DYRK3: variants seen among roughly 807,000 people sequenced by gnomAD.
The protein encoded by DYRK3 is dual specificity tyrosine phosphorylation regulated kinase 3.
A neutral mutation model predicts 40.8 loss-of-function variants in DYRK3; 30 were observed. The ratio of observed to expected loss-of-function variants is 0.74; its 90% CI spans 0.55 to 1.00. The LOEUF (loss-of-function observed/expected upper bound fraction) is 1.00. DYRK3 is among the 50% of genes least tolerant of loss of function. The pLI, the probability that DYRK3 is intolerant of heterozygous loss-of-function variation, is 0.00. For synonymous variants in DYRK3, 272 were observed against 260.7 expected (o/e 1.04, Z -0.42); for missense variants, 699 against 731.5 (o/e 0.96, Z 0.51).
In DYRK3 at chr1:206,648,041, G is replaced by A. The variant is rs1436877311; in HGVS notation, c.843G>A (p.Arg281=). 1.9e-6 allele frequency: 3 copies of A among 1,614,000 alleles called. No individual in the cohort carries two copies. Among genetic ancestry groups the A allele is most frequent in the African/African-American group, 2.7e-5 (2 of 74,880 alleles). ...VIHMLESFTF[R]NHVCMAFELL... is the part of the protein sequence containing the mutation. ...ACATGCTGGAAAGTTTCACATTCCG[G>A]AACCATGTTTGCATGGCCTTTGAAT... is the stretch of plus-strand genomic sequence containing the variant. The change falls in exon 3 of 3, where the codon CGG becomes CGA. Residue 281 remains arginine, a synonymous_variant. Transcript: ENST00000367109.
chr1:206,640,568 T>A (rs1472076647), intron 2 of DYRK3, among the ~76,000 whole-genome samples: 7 of 92,506 alleles, frequency 7.6e-5, no homozygotes, highest in African/African-American at 1.2e-4. Flanking sequence ...TTTTTTTTTT[T>A]AAGACAGAGT....
intron 2 of DYRK3, among the ~76,000 whole-genome samples, chr1:206,643,730 T>C (rs184406045): frequency 3.9e-5 from 6 of 152,122 alleles, no homozygotes; most frequent in East Asian, 1.9e-4. Flanking sequence ...GGGGCCCTCA[T>C]TGAGCAGAAG....
At chr1:206,642,883 T>C (rs1290397977) in intron 2 of DYRK3, among the ~76,000 whole-genome samples, 15 of 151,862 alleles carry the variant, frequency 9.9e-5, no homozygotes, top group Non-Finnish European at 2.9e-5. Context: ...ATGTAACATA[T>C]GTAACCTGCG....
chr1:206,653,179 G>T lies in DYRK3; in HGVS notation c.*4214G>T, dbSNP rs959419178. On this transcript the variant is annotated 3_prime_UTR_variant, in exon 3 of 3. Coordinates refer to ENST00000367109, the MANE Select transcript of DYRK3 (RefSeq NM_003582.4). ...ACTACAGTCACGTGCTACCATGCCT[G>T]GCTAATTTTTTGTATATCTGTAGAG... Among the ~76,000 whole-genome samples the T allele has an allele frequency of 6.6e-6, 1 of 152,028 alleles. No individual in the cohort carries two copies. The highest frequency in any genetic ancestry group is 2.4e-5 in the African/African-American group (1 of 41,366).
intron 2 of DYRK3, among the ~76,000 whole-genome samples, chr1:206,638,894 T>TC (rs1671197975): frequency 6.7e-6 from 1 of 149,018 alleles, no homozygotes; most frequent in East Asian, 2.0e-4. Flanking sequence ...TTTTTTTTTT[T>TC]CCTGAGACGC....
In DYRK3 at chr1:206,648,484, C is replaced by A. The variant is rs782502081; in HGVS notation, c.1286C>A (p.Pro429Gln). ...ACMMELLGMP[P>Q]PKLLEQSKRA... is the part of the protein sequence containing the mutation. ...ATGATGGAGCTTCTAGGGATGCCAC[C>A]ACCAAAACTTCTGGAGCAATCCAAA... The change falls in exon 3 of 3, where the codon CCA becomes CAA. Residue 429 changes from proline (P) to glutamine (Q), a missense_variant. Pro to Gln is a moderately conservative substitution (Grantham distance 76, BLOSUM62 -1). Transcript: ENST00000367109. The A allele has an allele frequency of 4.3e-6, 7 of 1,614,122 alleles. No homozygotes were observed. Among genetic ancestry groups the A allele is most frequent in the East Asian group, 4.5e-5 (2 of 44,876 alleles).
intron 2 of DYRK3, among the ~76,000 whole-genome samples, chr1:206,640,485 G>C (rs1671256976): frequency 6.6e-6 from 1 of 151,510 alleles, no homozygotes; most frequent in South Asian, 2.1e-4. Context: ...CTGGGGAAAA[G>C]GTAGGGTTTT....
At chr1:206,646,631 A>T (rs1484719357) in intron 2 of DYRK3, among the ~76,000 whole-genome samples, 1 of 152,190 alleles carries the variant, frequency 6.6e-6, no homozygotes, top group South Asian at 2.1e-4. Flanking sequence ...AGTAATTTAT[A>T]TGGGGACCTG....
chr1:206,635,887 G>C, intron 1 of DYRK3, 107 bp downstream of exon 1: 1 of 1,263,236 alleles, frequency 7.9e-7, no homozygotes, highest in African/African-American at 1.5e-5. Flanking sequence ...TCAGTAGGAG[G>C]GACGAGGGCA....
rs536313360 is a variant in DYRK3, at chr1:206,652,090, C to T, written c.*3125C>T. Among the ~76,000 whole-genome samples the T allele has an allele frequency of 5.1e-4, 77 of 152,190 alleles. No individual in the cohort carries two copies. The highest frequency in any genetic ancestry group is 9.8e-4 in the Admixed American group (15 of 15,292). ...GCTGCTAAAGCCATGTGTGGGGTGGCGAGCACATCTTTAGGTGGCAGCAAG... is the reference window on the plus strand; with the variant it reads ...GCTGCTAAAGCCATGTGTGGGGTGGTGAGCACATCTTTAGGTGGCAGCAAG... On this transcript the variant is annotated 3_prime_UTR_variant, in exon 3 of 3. Transcript: ENST00000367109.
intron 2 of DYRK3, among the ~76,000 whole-genome samples, chr1:206,645,038 T>TC (rs1264421658): frequency 6.6e-6 from 1 of 152,214 alleles, no homozygotes; most frequent in Non-Finnish European, 1.5e-5. Context: ...CTGTAAGTGT[T>TC]CTATAAATAT....
In DYRK3 at chr1:206,648,189, A is replaced by G; in HGVS notation, c.991A>G (p.Ile331Val). The G allele has an allele frequency of 6.2e-7, 1 of 1,614,136 alleles. No homozygotes were observed. The highest frequency in any genetic ancestry group is 8.5e-7 in the Non-Finnish European group (1 of 1,180,030). ...TTTGGATGCCCTCCACAAAAATAAGATTATTCACTGCGATCTGAAGCCAGA... is the reference window on the plus strand; with the variant it reads ...TTTGGATGCCCTCCACAAAAATAAGGTTATTCACTGCGATCTGAAGCCAGA... ...QSLDALHKNK[I>V]IHCDLKPENI... The change falls in exon 3 of 3, where the codon ATT (isoleucine) becomes GTT (valine). Residue 331 changes from isoleucine (I) to valine (V), a missense_variant. Ile to Val is a conservative substitution (Grantham distance 29). Coordinates refer to ENST00000367109, the MANE Select transcript of DYRK3 (RefSeq NM_003582.4).
Position 206,647,203 on chromosome 1 carries a change from G to T in DYRK3, c.190-185G>T, listed in dbSNP as rs190392795. Among the ~76,000 whole-genome samples the T allele has an allele frequency of 1.9e-3, 289 of 152,216 alleles. 1 individual carries two copies. Among genetic ancestry groups the T allele is most frequent in the African/African-American group, 5.4e-3 (225 of 41,536 alleles). On this transcript the variant is annotated intron_variant, in intron 2 of 2. Coordinates refer to ENST00000367109, the MANE Select transcript of DYRK3 (RefSeq NM_003582.4). ...GGTTAGGGATGGCCGCAATATTCAG[G>T]GAGTCTGAAAATTAATATAACACAA...
Position 206,635,591 on chromosome 1 carries a change from C to G in DYRK3, c.-113C>G. On this transcript the variant is annotated 5_prime_UTR_variant, in exon 1 of 3. Transcript: ENST00000367109. ...AGTGCGCTGAGCTGCAGTGTCTGGT[C>G]GAGAGTACCCGTGGGAGCGTCGCGC... is the stretch of plus-strand genomic sequence containing the variant. 5 of 1,201,496 alleles carry G rather than the reference C, an allele frequency of 4.2e-6. No homozygotes were observed. The highest frequency in any genetic ancestry group is 5.2e-6 in the Non-Finnish European group (5 of 959,074). The allele number at this position is 1,201,496 out of a possible 1,614,324, so 74.4% of individuals were successfully genotyped here.
intron 2 of DYRK3, among the ~76,000 whole-genome samples, chr1:206,641,891 C>A: frequency 6.6e-6 from 1 of 150,672 alleles, no homozygotes; most frequent in Non-Finnish European, 1.5e-5. Context: ...GTCTAAAACA[C>A]CAAATGCAAC....
At position 206,648,757 on chromosome 1, in the gene DYRK3, C is replaced by G. The variant is rs1323508193; in HGVS notation, c.1559C>G (p.Pro520Arg). The part of the protein sequence containing the change: ...RLTPAQALRH[P>R]WISKSVPRPL... ...ACCCCAGCTCAAGCATTAAGACACCCTTGGATTAGCAAGTCTGTCCCCAGA... is the reference window on the plus strand; with the variant it reads ...ACCCCAGCTCAAGCATTAAGACACCGTTGGATTAGCAAGTCTGTCCCCAGA... The change falls in exon 3 of 3, where the codon CCT becomes CGT. Residue 520 changes from proline to arginine, a missense_variant. Pro to Arg is a moderately radical substitution (Grantham distance 103). Coordinates refer to ENST00000367109, the MANE Select transcript of DYRK3 (RefSeq NM_003582.4). 3.1e-6 allele frequency: 5 copies of G among 1,614,044 alleles called. No homozygotes were observed. The highest frequency in any genetic ancestry group is 3.4e-6 in the Non-Finnish European group (4 of 1,179,950).
rs1219215539 is a variant in DYRK3, at chr1:206,653,502, A to G, written c.*4537A>G. Among the ~76,000 whole-genome samples the G allele has an allele frequency of 6.6e-6, 1 of 152,148 alleles. No individual in the cohort carries two copies. Among genetic ancestry groups the G allele is most frequent in the Non-Finnish European group, 1.5e-5 (1 of 68,024 alleles). ...GTGTGTCTTCATATTGTTCTGAATT[A>G]ACAGATTTTGATGCCCGCTGATCAT... is the stretch of plus-strand genomic sequence containing the variant. On this transcript the variant is annotated 3_prime_UTR_variant, in exon 3 of 3. Coordinates refer to ENST00000367109, the MANE Select transcript of DYRK3 (RefSeq NM_003582.4).
intron 2 of DYRK3, among the ~76,000 whole-genome samples, chr1:206,644,657 A>G (rs559302758): frequency 2.0e-5 from 3 of 152,170 alleles, no homozygotes; most frequent in Non-Finnish European, 4.4e-5. Context: ...CTCCTGCCTC[A>G]GCCTCCCAAG....
At position 206,648,561 on chromosome 1, in the gene DYRK3, A is replaced by G; in HGVS notation, c.1363A>G (p.Thr455Ala). Reference protein sequence around the residue: ...SKGIPRYCSVTTQADGRVVLV... With the variant: ...SKGIPRYCSVATQADGRVVLV... ...GGGCATACCCCGCTACTGCTCTGTG[A>G]CTACCCAGGCAGATGGGAGGGTTGT... Residue 455 changes from threonine to alanine, a missense_variant, in exon 3 of 3, where the codon ACT (threonine) becomes GCT (alanine). Physicochemically the swap from Thr to Ala is moderately conservative, Grantham distance 58. Transcript: ENST00000367109. 1.2e-6 allele frequency: 2 copies of G among 1,614,134 alleles called. No homozygotes were observed. The highest frequency in any genetic ancestry group is 1.7e-6 in the Non-Finnish European group (2 of 1,180,012).
Sources: allele counts gnomAD v4.1 joint callset (sites outside exome capture counted in the v4.1 genomes callset), GRCh38; gene constraint gnomAD v4.1.1; transcripts MANE v1.5; gene names NCBI Gene and HGNC (gene_info 2026-07-23, HGNC 2026-07-21).